LRP1B: variants seen among roughly 807,000 people sequenced by gnomAD.
LRP1B encodes the protein low-density lipoprotein receptor-related protein 1B.
In LRP1B, 217 loss-of-function variants were observed where a neutral mutation model predicts 556.6. That is an observed-to-expected ratio of 0.39 (90% CI 0.35 to 0.44). LRP1B has a LOEUF of 0.44. LRP1B is among the 20% of genes least tolerant of loss of function. The pLI, the probability that LRP1B is intolerant of heterozygous loss-of-function variation, is 1.00. For missense variants in LRP1B, 5,053 were observed against 5,620.8 expected (o/e 0.90, Z 3.23); for synonymous variants, 2,047 against 1,865.8 (o/e 1.10, Z -2.50).
intron 3 of LRP1B, among the ~76,000 whole-genome samples, chr2:141,261,202 C>T (rs140710499): frequency 4.0e-4 from 61 of 152,208 alleles, no homozygotes; most frequent in Middle Eastern, 6.8e-3. Context: ...GAGATCAGGC[C>T]GTTGCTTATG....
chr2:140,581,503 G>A (rs986285167), intron 43 of LRP1B, among the ~76,000 whole-genome samples: 7 of 151,104 alleles, frequency 4.6e-5, no homozygotes, highest in African/African-American at 1.7e-4. Context: ...TTTTGTTTAT[G>A]CTTTTACAAA....
chr2:141,465,335 AT>A (rs1682142724), intron 3 of LRP1B, among the ~76,000 whole-genome samples: 1 of 151,908 alleles, frequency 6.6e-6, no homozygotes, highest in Non-Finnish European at 1.5e-5. Flanking sequence ...AGGGAAAGAA[AT>A]GGGGAAAAAA....
chr2:140,852,310 G>A (rs777824629), intron 27 of LRP1B, among the ~76,000 whole-genome samples: 4 of 152,308 alleles, frequency 2.6e-5, no homozygotes, highest in Non-Finnish European at 4.4e-5. Flanking sequence ...CTGGGTGACA[G>A]AGTGAGACTC....
intron 7 of LRP1B, among the ~76,000 whole-genome samples, chr2:141,105,811 A>T (rs1700589641): frequency 6.6e-6 from 1 of 152,102 alleles, no homozygotes; most frequent in East Asian, 1.9e-4. Context: ...TTCAAAATGT[A>T]TTTTTTTGGT....
Position 141,569,161 on chromosome 2 carries a change from C to G in LRP1B, c.206-88628G>C, listed in dbSNP as rs1301423589. On this transcript the variant is annotated intron_variant, in intron 2 of 90. Coordinates refer to ENST00000389484, the MANE Select transcript of LRP1B (RefSeq NM_018557.3). ...CAGATACAGATTCTAACAAATCTCA[C>G]CTCAATAGGAGATCATTTGAAAACA... 2.0e-5 allele frequency among the ~76,000 whole-genome samples: 3 copies of G among 150,954 alleles called. No homozygotes were observed. The East Asian group carries it at 5.8e-4, about 29-fold the overall frequency.
At chr2:141,318,670 A>C (rs1687118942) in intron 3 of LRP1B, among the ~76,000 whole-genome samples, 1 of 152,112 alleles carries the variant, frequency 6.6e-6, no homozygotes, top group South Asian at 2.1e-4. Flanking sequence ...TATGAATGTC[A>C]CTTCAAAGGT....
chr2:140,343,537 A>G (rs1007264151), intron 77 of LRP1B, among the ~76,000 whole-genome samples: 1 of 151,716 alleles, frequency 6.6e-6, no homozygotes, highest in African/African-American at 2.4e-5. Context: ...TTATATACAT[A>G]CTATGAGTGC....
At chr2:141,789,711 A>T (rs1433841543) in intron 2 of LRP1B, among the ~76,000 whole-genome samples, 1 of 152,042 alleles carries the variant, frequency 6.6e-6, no homozygotes, top group Non-Finnish European at 1.5e-5. Flanking sequence ...AAGAAGAAAG[A>T]ATGTAAGAAT....
intron 35 of LRP1B, among the ~76,000 whole-genome samples, chr2:140,726,135 A>T (rs1198218204): frequency 6.6e-6 from 1 of 152,088 alleles, no homozygotes; most frequent in African/African-American, 2.4e-5. Context: ...TGTGAAGGAG[A>T]TTCCAATTAT....
chr2:141,629,583 G>C (rs1688832796), intron 2 of LRP1B, among the ~76,000 whole-genome samples: 1 of 152,146 alleles, frequency 6.6e-6, no homozygotes, highest in Non-Finnish European at 1.5e-5. Flanking sequence ...GAGCAGTGTT[G>C]CTTTTTTAAA....
intron 35 of LRP1B, among the ~76,000 whole-genome samples, chr2:140,765,600 T>C (rs1279596744): frequency 1.3e-5 from 2 of 152,162 alleles, no homozygotes; most frequent in Non-Finnish European, 2.9e-5. Context: ...GAGATAAAAA[T>C]TCTTTGAACA....
intron 31 of LRP1B, among the ~76,000 whole-genome samples, chr2:140,818,690 T>G (rs1001981491): frequency 7.9e-5 from 12 of 152,092 alleles, no homozygotes; most frequent in African/African-American, 2.2e-4. Flanking sequence ...ATCCCAGCAC[T>G]TTGGGAGGCC....
chr2:140,806,467 T>C (rs186985694), intron 32 of LRP1B, among the ~76,000 whole-genome samples: 1 of 152,230 alleles, frequency 6.6e-6, no homozygotes, highest in Non-Finnish European at 1.5e-5. Context: ...CAACTGTGCA[T>C]ATAGTAGAAT....
chr2:140,959,366 G>A (rs1161825207), intron 18 of LRP1B, among the ~76,000 whole-genome samples: 1 of 151,514 alleles, frequency 6.6e-6, no homozygotes, highest in Non-Finnish European at 1.5e-5. Context: ...GGAGATTCAA[G>A]TTGCATTTTC....
chr2:140,851,718 T>A lies in LRP1B; in HGVS notation c.4645A>T (p.Asn1549Tyr), dbSNP rs1364283355. 3 of 1,611,188 alleles carry A rather than the reference T, an allele frequency of 1.9e-6. No homozygotes were observed. In the South Asian group the frequency reaches 3.3e-5, roughly 18 times the overall value. ...PCSHMCLINH[N>Y]RSAACACPHL... ...GGGCACGCACAGGCAGCACTCCTATTGTGATTGATTAGACACATGTGAGAG... is the reference window on the plus strand; with the variant it reads ...GGGCACGCACAGGCAGCACTCCTATAGTGATTGATTAGACACATGTGAGAG... Residue 1549 changes from asparagine (N) to tyrosine (Y), a missense_variant, in exon 28 of 91, where the codon AAT (asparagine) becomes TAT (tyrosine). Physicochemically the swap from Asn to Tyr is moderately radical, Grantham distance 143 (BLOSUM62 -2). Coordinates refer to ENST00000389484, the MANE Select transcript of LRP1B (RefSeq NM_018557.3).
chr2:141,588,656 C>T (rs1441130130), intron 2 of LRP1B, among the ~76,000 whole-genome samples: 3 of 152,144 alleles, frequency 2.0e-5, no homozygotes, highest in African/African-American at 4.8e-5. Context: ...GATAATGTGA[C>T]ACTAGCACTG....
intron 83 of LRP1B, among the ~76,000 whole-genome samples, chr2:140,311,753 G>A (rs553758793): frequency 6.6e-6 from 1 of 151,950 alleles, no homozygotes; most frequent in East Asian, 1.9e-4. Flanking sequence ...CCTATGTTAA[G>A]GGAGCTAGGA....
intron 3 of LRP1B, among the ~76,000 whole-genome samples, chr2:141,322,096 AT>A (rs534721752): frequency 8.5e-5 from 13 of 152,174 alleles, no homozygotes; most frequent in Admixed American, 8.5e-4. Context: ...TGTTGAAATT[AT>A]TGTTAATGTT....
At chr2:140,835,859 T>A (rs986695142) in intron 31 of LRP1B, among the ~76,000 whole-genome samples, 1 of 152,140 alleles carries the variant, frequency 6.6e-6, no homozygotes, top group Non-Finnish European at 1.5e-5. Context: ...TTTTAGAGTT[T>A]TATATTTGCA....
Sources: gnomAD v4.1 joint callset for allele counts (sites outside exome capture counted in the v4.1 genomes callset) on GRCh38, gnomAD v4.1.1 for gene constraint, MANE v1.5 for transcripts, NCBI Gene and HGNC (gene_info 2026-07-23, HGNC 2026-07-21) for gene names.